PDZRN4: variants seen among roughly 807,000 people sequenced by gnomAD.
The protein encoded by PDZRN4 is PDZ domain-containing RING finger protein 4.
Under a neutral mutation model 99.0 loss-of-function variants are expected in PDZRN4, and 70 were observed. That is an observed-to-expected ratio of 0.71 (90% CI 0.58 to 0.86). The LOEUF (loss-of-function observed/expected upper bound fraction) is 0.86, where lower values mean the gene tolerates loss of function less well. Ranked by LOEUF, PDZRN4 falls within the 40% of genes least tolerant of loss-of-function variation. The pLI, the probability that PDZRN4 is intolerant of heterozygous loss-of-function variation, is 0.00. For missense variants in PDZRN4, 1,474 were observed against 1,331.2 expected (o/e 1.11, Z -1.67); for synonymous variants, 551 against 501.6 (o/e 1.10, Z -1.32).
At chr12:41,555,885 CCA>C in intron 7 of PDZRN4, 125 bp downstream of exon 7, 1 of 705,954 alleles carries the variant, frequency 1.4e-6, no homozygotes, top group South Asian at 2.0e-5. Context: ...ATCTACAAAA[CCA>C]AAAAAAAAAA....
chr12:41,286,222 G>GA (rs942086840), intron 3 of PDZRN4, among the ~76,000 whole-genome samples: 4 of 148,654 alleles, frequency 2.7e-5, no homozygotes, highest in African/African-American at 5.0e-5. Flanking sequence ...GTACATGTTT[G>GA]AAAAAAAACA....
At chr12:41,446,962 A>G (rs2120487402) in intron 3 of PDZRN4, among the ~76,000 whole-genome samples, 1 of 151,632 alleles carries the variant, frequency 6.6e-6, no homozygotes, top group African/African-American at 2.4e-5. Flanking sequence ...AAGATGACTT[A>G]TAGGACATAT....
At chr12:41,366,926 T>C (rs1952004499) in intron 3 of PDZRN4, among the ~76,000 whole-genome samples, 1 of 151,982 alleles carries the variant, frequency 6.6e-6, no homozygotes, top group African/African-American at 2.4e-5. Context: ...TACAATGCAG[T>C]TGGGGGATGA....
intron 3 of PDZRN4, among the ~76,000 whole-genome samples, chr12:41,226,725 A>G (rs574906011): frequency 1.3e-5 from 2 of 152,258 alleles, no homozygotes; most frequent in South Asian, 2.1e-4. Context: ...CTGTATTTCA[A>G]CGTATTGCAC....
At chr12:41,220,000 G>A (rs112822388) in intron 3 of PDZRN4, among the ~76,000 whole-genome samples, 3,645 of 152,188 alleles carry the variant, frequency 0.024, 62 homozygotes, top group Non-Finnish European at 0.039. Context: ...AAATGCAAAG[G>A]AGACAAGACT....
intron 3 of PDZRN4, among the ~76,000 whole-genome samples, chr12:41,255,795 C>T (rs1317643977): frequency 2.0e-5 from 3 of 152,098 alleles, no homozygotes; most frequent in South Asian, 2.1e-4. Flanking sequence ...GGAGTCAGCC[C>T]ATCACATGGT....
At chr12:41,362,682 A>C (rs1039076780) in intron 3 of PDZRN4, among the ~76,000 whole-genome samples, 1 of 152,068 alleles carries the variant, frequency 6.6e-6, no homozygotes, top group Non-Finnish European at 1.5e-5. Context: ...CTCCGTAGCA[A>C]AGGCATGTAA....
In PDZRN4 at chr12:41,213,292, C is replaced by T. The variant is rs572432560; in HGVS notation, c.843+19104C>T. On this transcript the variant is annotated intron_variant, in intron 3 of 9. Coordinates refer to ENST00000402685, the MANE Select transcript of PDZRN4 (RefSeq NM_001164595.2). ...TGGGAGGCTGGCTAGTCAGCCAGTGCAGTAGTTCAGATGCCAGGTGGCAGT... is the reference window on the plus strand; with the variant it reads ...TGGGAGGCTGGCTAGTCAGCCAGTGTAGTAGTTCAGATGCCAGGTGGCAGT... Among the ~76,000 whole-genome samples the T allele has an allele frequency of 2.6e-5, 4 of 152,058 alleles. No homozygotes were observed. In the East Asian group the frequency reaches 7.8e-4, roughly 30 times the overall value.
chr12:41,328,728 G>C (rs1951725281), intron 3 of PDZRN4, among the ~76,000 whole-genome samples: 2 of 152,222 alleles, frequency 1.3e-5, no homozygotes, highest in East Asian at 1.9e-4. Flanking sequence ...CCATACAGCA[G>C]TCTTCTTTCC....
intron 5 of PDZRN4, among the ~76,000 whole-genome samples, chr12:41,519,043 A>G (rs974224159): frequency 6.6e-5 from 10 of 152,150 alleles, no homozygotes; most frequent in Non-Finnish European, 1.3e-4. Context: ...CATTATAGTT[A>G]GTATGTAATG....
At chr12:41,541,857 G>T (rs113686567) in intron 5 of PDZRN4, among the ~76,000 whole-genome samples, 2,073 of 152,312 alleles carry the variant, frequency 0.014, 43 homozygotes, top group African/African-American at 0.044. Flanking sequence ...TCTGGCACCC[G>T]AAGTAGCTAT....
intron 5 of PDZRN4, among the ~76,000 whole-genome samples, chr12:41,525,730 C>T (rs1218366175): frequency 5.3e-5 from 8 of 151,944 alleles, no homozygotes; most frequent in Non-Finnish European, 7.4e-5. Context: ...AACTCCATAC[C>T]TTGTGGATGA....
At chr12:41,296,364 C>T (rs2120921206) in intron 3 of PDZRN4, among the ~76,000 whole-genome samples, 1 of 152,294 alleles carries the variant, frequency 6.6e-6, no homozygotes, top group East Asian at 1.9e-4. Flanking sequence ...GAACAAATTT[C>T]TTGGCAACAT....
At chr12:41,401,952 C>T (rs1453938590) in intron 3 of PDZRN4, among the ~76,000 whole-genome samples, 3 of 151,170 alleles carry the variant, frequency 2.0e-5, no homozygotes, top group Non-Finnish European at 4.4e-5. Context: ...CCTCATTTCT[C>T]TCTCTTCATG....
intron 3 of PDZRN4, among the ~76,000 whole-genome samples, chr12:41,201,979 A>C (rs1950819150): frequency 6.6e-6 from 1 of 152,182 alleles, no homozygotes; most frequent in African/African-American, 2.4e-5. Flanking sequence ...GAACTTGAAC[A>C]ACCCTGGTAA....
intron 5 of PDZRN4, among the ~76,000 whole-genome samples, chr12:41,534,861 G>A (rs1251945567): frequency 6.6e-6 from 1 of 151,902 alleles, no homozygotes; most frequent in African/African-American, 2.4e-5. Context: ...CTTTTCATCA[G>A]TTACACAATA....
At position 41,188,597 on chromosome 12, in the gene PDZRN4, C is replaced by T; in HGVS notation, c.142C>T (p.Arg48Trp). The T allele has an allele frequency of 6.5e-7, 1 of 1,540,234 alleles. No homozygotes were observed. Among genetic ancestry groups the T allele is most frequent in the Non-Finnish European group, 8.7e-7 (1 of 1,149,758 alleles). The change falls in exon 1 of 10, where the codon CGG becomes TGG. Residue 48 changes from arginine to tryptophan, a missense_variant. Arg to Trp is a moderately radical substitution (Grantham distance 101). Transcript: ENST00000402685. ...CAGCTGCCTGTTGCCCTGGGCGGTG[C>T]GGAGGCGCCGGTGCCCGCTGCAGTG... ...CASCLLPWAV[R>W]RRRCPLQCQP... is the part of the protein sequence containing the mutation.
At chr12:41,264,008 T>C (rs1169781549) in intron 3 of PDZRN4, among the ~76,000 whole-genome samples, 1 of 152,198 alleles carries the variant, frequency 6.6e-6, no homozygotes, top group East Asian at 1.9e-4. Flanking sequence ...TTTTGTCCTT[T>C]CAATTTCAGC....
At chr12:41,565,681 T>C (rs979555059) in intron 8 of PDZRN4, among the ~76,000 whole-genome samples, 1 of 152,130 alleles carries the variant, frequency 6.6e-6, no homozygotes, top group Non-Finnish European at 1.5e-5. Context: ...TGCAATATTT[T>C]TAAATAACTC....
Sources: allele counts gnomAD v4.1 joint callset (sites outside exome capture counted in the v4.1 genomes callset), GRCh38; gene constraint gnomAD v4.1.1; transcripts MANE v1.5; gene names NCBI Gene and HGNC (gene_info 2026-07-23, HGNC 2026-07-21).